The following GULP1 variants were observed in gnomAD, a reference collection of about 807,000 sequenced individuals.
GULP1 encodes PTB domain-containing engulfment adapter protein 1.
Under a neutral mutation model 40.9 loss-of-function variants are expected in GULP1, and 19 were observed. The observed-to-expected ratio is 0.46, with a 90% CI of 0.32 to 0.68. The LOEUF (loss-of-function observed/expected upper bound fraction) is 0.68. GULP1 is among the 30% of genes least tolerant of loss of function. The pLI is 0.03. For missense variants in GULP1, 312 were observed against 362.2 expected (o/e 0.86, Z 1.12); for synonymous variants, 119 against 117.6 (o/e 1.01, Z -0.08).
intron 1 of GULP1, chr2:188,293,180 A>C: frequency 6.6e-6 from 1 of 152,264 alleles, no homozygotes; most frequent in East Asian, 1.9e-4. Context: ...GCAAACTCCA[A>C]GTAAGTGAGG....
At chr2:188,293,014 G>A (rs1212346813) in intron 1 of GULP1, 1 of 152,650 alleles carries the variant, frequency 6.6e-6, no homozygotes, top group African/African-American at 2.4e-5. Flanking sequence ...GTGTGCGGGA[G>A]GGAACTCTGG....
chr2:188,563,481 A>T (rs988547388), intron 7 of GULP1, among the ~76,000 whole-genome samples: 1 of 150,274 alleles, frequency 6.7e-6, no homozygotes, highest in Admixed American at 6.6e-5. Flanking sequence ...ATAAAATTAC[A>T]TACAAATATT....
chr2:188,496,700 T>C (rs1575602967), intron 4 of GULP1, among the ~76,000 whole-genome samples: 1 of 151,942 alleles, frequency 6.6e-6, no homozygotes, highest in African/African-American at 2.4e-5. Context: ...ATAATTGATA[T>C]GGTTTGGATT....
chr2:188,429,238 G>A (rs929304779), intron 2 of GULP1, among the ~76,000 whole-genome samples: 3 of 152,038 alleles, frequency 2.0e-5, no homozygotes, highest in African/African-American at 7.2e-5. Flanking sequence ...TGTGCTGGCT[G>A]TCACCTGTAA....
chr2:188,425,203 A>T (rs6756220), intron 2 of GULP1, among the ~76,000 whole-genome samples: 32,590 of 151,986 alleles, frequency 0.21, 3,678 homozygotes, highest in African/African-American at 0.27. Context: ...AGATAATTAG[A>T]TGATTCTTTC....
chr2:188,532,904 GT>G lies in GULP1; in HGVS notation c.261+3710del, dbSNP rs541195250. ...CCACTGCACTCCAGCACAGGTGACAGTGTGAGACTGTCTCACATAAAAAAGA... is the reference window on the plus strand; with the variant it reads ...CCACTGCACTCCAGCACAGGTGACAGGTGAGACTGTCTCACATAAAAAAGA... On this transcript the variant is annotated intron_variant, in intron 6 of 11. Coordinates refer to ENST00000409830, the MANE Select transcript of GULP1 (RefSeq NM_016315.4). Among the ~76,000 whole-genome samples, 925 of 152,260 alleles carry G rather than the reference GT, an allele frequency of 6.1e-3. 3 individuals are homozygous for G. Among genetic ancestry groups the G allele is most frequent in the Non-Finnish European group, 9.6e-3 (652 of 68,012 alleles).
At chr2:188,446,855 G>GT (rs1553555267) in intron 2 of GULP1, among the ~76,000 whole-genome samples, 1 of 1,430 alleles carries the variant, frequency 7.0e-4, no homozygotes, top group Non-Finnish European at 1.2e-3. Context: ...CACTTTCATT[G>GT]AGTGATATTT....
chr2:188,585,830 T>C (rs1702259163), intron 10 of GULP1, among the ~76,000 whole-genome samples: 3 of 152,214 alleles, frequency 2.0e-5, no homozygotes, highest in Non-Finnish European at 4.4e-5. Flanking sequence ...ATTCAGCTCC[T>C]TTTTACTTAT....
chr2:188,370,280 G>A (rs1356381029), intron 1 of GULP1, among the ~76,000 whole-genome samples: 1 of 152,206 alleles, frequency 6.6e-6, no homozygotes, highest in Non-Finnish European at 1.5e-5. Flanking sequence ...CAGATGGCCA[G>A]TTTGAGCATA....
intron 9 of GULP1, among the ~76,000 whole-genome samples, chr2:188,576,297 TAATATGCCC>T (rs1700172372): frequency 6.6e-6 from 1 of 152,126 alleles, no homozygotes; most frequent in Non-Finnish European, 1.5e-5. Flanking sequence ...ATTGTTTAGT[TAATATGCCC>T]AATATAACTT....
intron 2 of GULP1, among the ~76,000 whole-genome samples, chr2:188,476,503 C>T (rs1332387372): frequency 1.3e-5 from 2 of 151,698 alleles, no homozygotes; most frequent in Admixed American, 6.6e-5. Context: ...TCTGTTGAAG[C>T]AGGTCTCTAG....
At chr2:188,405,194 C>A (rs186715585) in intron 2 of GULP1, among the ~76,000 whole-genome samples, 43 of 152,126 alleles carry the variant, frequency 2.8e-4, no homozygotes, top group Non-Finnish European at 5.0e-4. Context: ...TAGGATAGAA[C>A]CCAAACACCC....
rs550353543 is a variant in GULP1 at position 188,312,577 on chromosome 2, T to C, written c.-172+20411T>C. Among the ~76,000 whole-genome samples the C allele has an allele frequency of 6.4e-3, 978 of 152,342 alleles. 3 individuals carry two copies. The highest frequency in any genetic ancestry group is 0.01 in the Non-Finnish European group (684 of 68,032). On this transcript the variant is annotated intron_variant, in intron 1 of 11. Coordinates refer to ENST00000409830, the MANE Select transcript of GULP1 (RefSeq NM_016315.4). ...GGGCATTTGGTTGGTTCCATGTCTTTGCTGTTGTAAATAGTGCTGCAATAA... is the reference window on the plus strand; with the variant it reads ...GGGCATTTGGTTGGTTCCATGTCTTCGCTGTTGTAAATAGTGCTGCAATAA...
intron 1 of GULP1, among the ~76,000 whole-genome samples, chr2:188,327,373 A>C (rs1286236440): frequency 2.0e-5 from 3 of 152,122 alleles, no homozygotes; most frequent in Non-Finnish European, 2.9e-5. Flanking sequence ...TAAATTGGGA[A>C]TTATTTCTTT....
At chr2:188,364,540 C>G (rs2046493193) in intron 1 of GULP1, among the ~76,000 whole-genome samples, 2 of 152,052 alleles carry the variant, frequency 1.3e-5, no homozygotes, top group African/African-American at 4.8e-5. Flanking sequence ...GGAGCATTAT[C>G]ATTTTCTCTG....
chr2:188,347,335 T>C (rs890011239), intron 1 of GULP1, among the ~76,000 whole-genome samples: 2 of 151,960 alleles, frequency 1.3e-5, no homozygotes, highest in African/African-American at 4.9e-5. Flanking sequence ...AACAGCACTC[T>C]GAGCTCCTAA....
At chr2:188,355,734 C>G (rs960960476) in intron 1 of GULP1, among the ~76,000 whole-genome samples, 1 of 151,926 alleles carries the variant, frequency 6.6e-6, no homozygotes, top group African/African-American at 2.4e-5. Context: ...AAACTATAGG[C>G]CAATATCCCT....
intron 1 of GULP1, among the ~76,000 whole-genome samples, chr2:188,372,115 C>T (rs758463676): frequency 2.0e-5 from 3 of 152,050 alleles, no homozygotes; most frequent in Admixed American, 6.6e-5. Context: ...GTGCCTCTGG[C>T]AGTATTATCT....
intron 9 of GULP1, chr2:188,582,604 C>T (rs1277049390): frequency 2.3e-5 from 10 of 439,882 alleles, no homozygotes; most frequent in Middle Eastern, 6.9e-4. Flanking sequence ...TATTATCCCA[C>T]TTATTTTGCT....
Sources: allele counts gnomAD v4.1 joint callset (sites outside exome capture counted in the v4.1 genomes callset), GRCh38; gene constraint gnomAD v4.1.1; transcripts MANE v1.5; gene names NCBI Gene and HGNC (gene_info 2026-07-23, HGNC 2026-07-21).